PSD3: variants seen among roughly 807,000 people sequenced by gnomAD.
The protein encoded by PSD3 is PH and SEC7 domain-containing protein 3.
Under a neutral mutation model 105.5 loss-of-function variants are expected in PSD3, and 49 were observed. That is an observed-to-expected ratio of 0.46 (90% CI 0.37 to 0.59). PSD3 has a LOEUF of 0.59. Among genes scored for constraint, PSD3 ranks in the 20% least tolerant of loss-of-function variants. The pLI is 0.00. For missense variants in PSD3, 1,561 were observed against 1,263.8 expected (o/e 1.24, Z -3.57); for synonymous variants, 557 against 457.8 (o/e 1.22, Z -2.77).
chr8:18,919,391 G>A lies in PSD3; in HGVS notation c.130+16643C>T, dbSNP rs573484047. 3.3e-4 allele frequency among the ~76,000 whole-genome samples: 50 copies of A among 152,082 alleles called. No homozygotes were observed. In the South Asian group the frequency reaches 6.5e-3, roughly 20 times the overall value. On this transcript the variant is annotated intron_variant, in intron 2 of 15. Transcript: ENST00000327040. ...ACCACACAGTTATTGCCCCTGACCC[G>A]TGAGAACAGGATTGCTCAAGCAGCC...
Position 18,872,178 on chromosome 8 carries a change from A to T in PSD3, c.686T>A (p.Ile229Asn). Residue 229 changes from isoleucine to asparagine, a missense_variant, in exon 3 of 16, where the codon ATT (isoleucine) becomes AAT (asparagine). Transcript: ENST00000327040. The part of the protein sequence containing the change: ...ALLTGDTQAE[I>N]SQIMNNGRKG... ...CCTCCCATTATTCATTATCTGGGAA[A>T]TCTCTGCCTGAGTGTCTCCAGTTAA... The T allele has an allele frequency of 6.2e-7, 1 of 1,614,180 alleles. No individual in the cohort carries two copies.
intron 2 of PSD3, among the ~76,000 whole-genome samples, chr8:18,914,699 A>G (rs150700676): frequency 0.05 from 7,569 of 152,314 alleles, 208 homozygotes; most frequent in Admixed American, 0.081. Context: ...AACACTAATG[A>G]AAAAAGTTGA....
At chr8:18,881,742 T>G (rs1281484261) in intron 2 of PSD3, among the ~76,000 whole-genome samples, 1 of 152,242 alleles carries the variant, frequency 6.6e-6, no homozygotes, top group Non-Finnish European at 1.5e-5. Context: ...GGTTTTTGTT[T>G]TGTCTTGTAT....
At chr8:18,777,364 C>A (rs954837079) in intron 8 of PSD3, among the ~76,000 whole-genome samples, 2 of 152,112 alleles carry the variant, frequency 1.3e-5, no homozygotes, top group East Asian at 1.9e-4. Context: ...TTTTAAAAAA[C>A]CCAACTTTTC....
intron 2 of PSD3, among the ~76,000 whole-genome samples, chr8:18,916,772 GTTAA>G (rs1287072063): frequency 1.3e-5 from 2 of 151,796 alleles, no homozygotes; most frequent in African/African-American, 2.4e-5. Context: ...TAAAGAATAT[GTTAA>G]TTAATTTAAT....
At chr8:18,971,566 C>A (rs150683391) in intron 1 of PSD3, among the ~76,000 whole-genome samples, 1,920 of 152,258 alleles carry the variant, frequency 0.013, 19 homozygotes, top group Non-Finnish European at 0.021. Context: ...CTGCAGCCCC[C>A]GGGCTTCAGC....
At chr8:18,788,629 C>A (rs761734381) in intron 8 of PSD3, among the ~76,000 whole-genome samples, 1 of 152,128 alleles carries the variant, frequency 6.6e-6, no homozygotes. Context: ...GGAAGCTTTG[C>A]GGAAAACGTG....
At chr8:18,808,723 A>C (rs754541241) in intron 4 of PSD3, 1 of 1,613,958 alleles carries the variant, frequency 6.2e-7, no homozygotes, top group South Asian at 1.1e-5. Flanking sequence ...TAAATCAGAA[A>C]GCTTGACAAT....
intron 14 of PSD3, among the ~76,000 whole-genome samples, chr8:18,569,098 G>C (rs1344684693): frequency 1.5e-5 from 2 of 129,446 alleles, no homozygotes; most frequent in Non-Finnish European, 3.3e-5. Context: ...TCTTAATCCA[G>C]TCTATCGTTG....
chr8:19,004,812 A>G (rs117245884), intron 1 of PSD3, among the ~76,000 whole-genome samples: 2,275 of 152,064 alleles, frequency 0.015, 42 homozygotes, highest in Non-Finnish European at 0.023. Flanking sequence ...GATTGTAATA[A>G]GTCTCAAGAG....
intron 3 of PSD3, among the ~76,000 whole-genome samples, chr8:18,870,200 CA>C (rs1817232008): frequency 6.6e-6 from 1 of 151,884 alleles, no homozygotes; most frequent in African/African-American, 2.4e-5. Flanking sequence ...AACAAAAAAA[CA>C]AAAAACAACC....
At chr8:18,725,857 A>T (rs989360274) in intron 9 of PSD3, among the ~76,000 whole-genome samples, 1 of 152,192 alleles carries the variant, frequency 6.6e-6, no homozygotes, top group African/African-American at 2.4e-5. Context: ...TAGTGGCACC[A>T]ATGGCAATGA....
intron 1 of PSD3, among the ~76,000 whole-genome samples, chr8:19,058,225 A>G (rs1243827891): frequency 1.3e-5 from 2 of 152,130 alleles, no homozygotes; most frequent in African/African-American, 2.4e-5. Flanking sequence ...TTGTTTTGAT[A>G]TTCTTGAAAG....
chr8:18,672,222 A>G (rs1413969095), intron 9 of PSD3, among the ~76,000 whole-genome samples: 1 of 152,200 alleles, frequency 6.6e-6, no homozygotes, highest in Non-Finnish European at 1.5e-5. Flanking sequence ...ATATTTTTTA[A>G]GTACCCAAGA....
At chr8:18,782,364 T>C (rs1202415994) in intron 8 of PSD3, among the ~76,000 whole-genome samples, 1 of 151,928 alleles carries the variant, frequency 6.6e-6, no homozygotes, top group Non-Finnish European at 1.5e-5. Flanking sequence ...ATAGAGTTGT[T>C]TGGGTAAGGC....
chr8:18,674,873 G>T (rs1799983476), intron 9 of PSD3, among the ~76,000 whole-genome samples: 1 of 152,062 alleles, frequency 6.6e-6, no homozygotes, highest in Admixed American at 6.6e-5. Flanking sequence ...GCCTGGAGTG[G>T]TGACATGTGC....
intron 8 of PSD3, among the ~76,000 whole-genome samples, chr8:18,767,615 C>T (rs951777930): frequency 1.3e-5 from 2 of 152,046 alleles, no homozygotes; most frequent in African/African-American, 2.4e-5. Flanking sequence ...GGTGCAGTGG[C>T]GGCCGCCTGT....
At chr8:18,560,054 T>C (rs1392889604) in intron 14 of PSD3, among the ~76,000 whole-genome samples, 1 of 152,120 alleles carries the variant, frequency 6.6e-6, no homozygotes, top group East Asian at 1.9e-4. Flanking sequence ...TAAAATCACA[T>C]CTCCTTAAAT....
chr8:18,678,784 C>G (rs1800213887), intron 9 of PSD3, among the ~76,000 whole-genome samples: 1 of 151,156 alleles, frequency 6.6e-6, no homozygotes, highest in African/African-American at 2.4e-5. Context: ...TGCACTCCAG[C>G]CTGGGCAACA....
Sources: gnomAD v4.1 joint callset for allele counts (sites outside exome capture counted in the v4.1 genomes callset) on GRCh38, gnomAD v4.1.1 for gene constraint, MANE v1.5 for transcripts, NCBI Gene and HGNC (gene_info 2026-07-23, HGNC 2026-07-21) for gene names.